The following SDF4 variants were observed in gnomAD, a reference collection of about 807,000 sequenced individuals.
SDF4 encodes 45 kDa calcium-binding protein.
SDF4 carries 22 observed loss-of-function variants against 34.2 expected under a neutral mutation model. The ratio of observed to expected loss-of-function variants is 0.64; its 90% CI spans 0.46 to 0.92. SDF4 has a LOEUF of 0.92. Ranked by LOEUF, SDF4 falls within the 40% of genes least tolerant of loss-of-function variation. The pLI is 0.00. For missense variants in SDF4, 447 were observed against 499.9 expected (o/e 0.89, Z 1.01); for synonymous variants, 236 against 203.1 (o/e 1.16, Z -1.38).
At position 1,223,812 on chromosome 1, in the gene SDF4, C is replaced by T. The variant is rs1650124200; in HGVS notation, c.442+20G>A. ...CCCGCCCCGCCCACCGCCCCACCCACCCCGGCCCAGCCACAGTACCGTCCC... is the reference window on the plus strand; with the variant it reads ...CCCGCCCCGCCCACCGCCCCACCCATCCCGGCCCAGCCACAGTACCGTCCC... On this transcript the variant is annotated intron_variant, in intron 3 of 6. Coordinates refer to ENST00000360001, the MANE Select transcript of SDF4 (RefSeq NM_016176.6). The T allele has an allele frequency of 7.9e-7, 1 of 1,266,254 alleles. No individual in the cohort carries two copies. Among genetic ancestry groups the T allele is most frequent in the Non-Finnish European group, 1.1e-6 (1 of 899,604 alleles). 78.4% of individuals were successfully genotyped at this position (1,266,254 alleles called of 1,614,324 possible). A position where few individuals can be genotyped will look rare whatever the true frequency, so the allele number is the denominator to read the frequency against.
At chr1:1,220,541 G>GTA in intron 4 of SDF4, 1 of 1,239,194 alleles carries the variant, frequency 8.1e-7, no homozygotes, top group Admixed American at 2.6e-5. Flanking sequence ...AGAGGTCGGG[G>GTA]GGTCCTAGGC....
intron 2 of SDF4, among the ~76,000 whole-genome samples, chr1:1,225,935 G>A (rs761230455): frequency 8.5e-5 from 13 of 152,344 alleles, no homozygotes; most frequent in Non-Finnish European, 1.8e-4. Flanking sequence ...GGCGGTGCAC[G>A]TACATGGAGC....
Position 1,217,546 on chromosome 1 carries a change from A to G in SDF4, c.1034T>C (p.Val345Ala). ...CTCGTGCACGCTGCGCGCGTAGTCC[A>G]CCAGCTTGCTGCCCGTGAAGAACTC... ...YSEFFTGSKL[V>A]DYARSVHEEF Residue 345 changes from valine to alanine, a missense_variant, in exon 7 of 7, where the codon GTG becomes GCG. Physicochemically the swap from Val to Ala is moderately conservative, Grantham distance 64. Transcript: ENST00000360001. This position sits in a 1 kb window ranked among gnomAD's most constrained non-coding sequence, Gnocchi z 8.5. The G allele has an allele frequency of 6.2e-7, 1 of 1,612,782 alleles. No homozygotes were observed. Among genetic ancestry groups the G allele is most frequent in the Non-Finnish European group, 8.5e-7 (1 of 1,179,668 alleles).
chr1:1,231,146 A>C (rs927875142), intron 1 of SDF4, among the ~76,000 whole-genome samples: 3 of 152,262 alleles, frequency 2.0e-5, no homozygotes, highest in Admixed American at 6.5e-5. Flanking sequence ...TCAGGAGTCC[A>C]TCAAGTGGCG....
intron 4 of SDF4, among the ~76,000 whole-genome samples, chr1:1,221,860 G>A (rs1411161189): frequency 1.3e-5 from 2 of 152,142 alleles, no homozygotes; most frequent in Non-Finnish European, 2.9e-5. Flanking sequence ...TGAGGTAGGA[G>A]GATCGCCTGA....
chr1:1,225,381 G>A (rs914092165), intron 2 of SDF4, among the ~76,000 whole-genome samples: 4 of 152,216 alleles, frequency 2.6e-5, no homozygotes, highest in African/African-American at 7.2e-5. Flanking sequence ...GCAGGCCCTC[G>A]TCAGGCAGGT....
Position 1,217,757 on chromosome 1 carries a change from G to A in SDF4, c.892-69C>T, listed in dbSNP as rs150101622. On this transcript the variant is annotated intron_variant, in intron 6 of 6. Coordinates refer to ENST00000360001, the MANE Select transcript of SDF4 (RefSeq NM_016176.6). This position sits in a 1 kb window ranked among gnomAD's most constrained non-coding sequence, Gnocchi z 8.5. ...CGAGCTCCGCGGCCAGCCGCACGAAGTGGCTATTTAAGGTGCCTATTGGCT... is the reference window on the plus strand; with the variant it reads ...CGAGCTCCGCGGCCAGCCGCACGAAATGGCTATTTAAGGTGCCTATTGGCT... 116 of 1,607,032 alleles carry A rather than the reference G, an allele frequency of 7.2e-5. No individual in the cohort carries two copies. In the African/African-American group the frequency reaches 1.2e-3, roughly 17 times the overall value.
In SDF4 at chr1:1,228,507, G is replaced by A. The variant is rs756705556; in HGVS notation, c.266C>T (p.Pro89Leu). 42 of 1,609,922 alleles carry A rather than the reference G, an allele frequency of 2.6e-5. No homozygotes were observed. The highest frequency in any genetic ancestry group is 5.0e-5 in the Admixed American group (3 of 59,904). ...CATCAGCTTCCTCCGGCTCCGCCGC[G>A]GCTCCGCGTCCTCATCAAAGCCACC... The part of the protein sequence containing the change: ...DLGGFDEDAE[P>L]RRSRRKLMVI... The change falls in exon 2 of 7, where the codon CCG (proline) becomes CTG (leucine). Residue 89 changes from proline to leucine, a missense_variant. Transcript: ENST00000360001.
At chr1:1,223,790 G>GCCCCC in intron 3 of SDF4, 42 bp downstream of exon 3, 6 of 190,882 alleles carry the variant, frequency 3.1e-5, no homozygotes, top group East Asian at 2.5e-4. Flanking sequence ...GGCCCTGCCC[G>GCCCCC]CCCCGCCCAC....
rs777252723 is a variant in SDF4 at position 1,218,982 on chromosome 1, C to A, written c.557-55G>T. ...GGCCGACAGACGCCAGCACGCAAAT[C>A]CAGAAAGTTCCGAGAGGTGCTGCCT... On this transcript the variant is annotated intron_variant, in intron 4 of 6. Transcript: ENST00000360001. This position sits in a 1 kb window ranked among gnomAD's most constrained non-coding sequence, Gnocchi z 7.9. 7 of 1,612,344 alleles carry A rather than the reference C, an allele frequency of 4.3e-6. No individual in the cohort carries two copies. In the African/African-American group the frequency reaches 8.0e-5, roughly 18 times the overall value.
intron 2 of SDF4, among the ~76,000 whole-genome samples, chr1:1,226,193 G>A (rs1242390781): frequency 6.6e-6 from 1 of 152,222 alleles, no homozygotes; most frequent in Non-Finnish European, 1.5e-5. Context: ...ACGGAGGCGA[G>A]CCCAGAGCAT....
In SDF4 at chr1:1,228,886, G is replaced by T; in HGVS notation, c.-114C>A. ...GTCCTGGCTCCAATCCAATCCCCGG[G>T]CACCACGGAGGGCTCTGTGTCCCCA... is the stretch of plus-strand genomic sequence containing the variant. On this transcript the variant is annotated 5_prime_UTR_variant, in exon 2 of 7. Transcript: ENST00000360001. The T allele has an allele frequency of 1.0e-6, 1 of 977,612 alleles. No homozygotes were observed. The highest frequency in any genetic ancestry group is 1.5e-6 in the Non-Finnish European group (1 of 670,168). The allele number at this position is 977,612 out of a possible 1,614,324, so 60.6% of individuals were successfully genotyped here.
intron 4 of SDF4, among the ~76,000 whole-genome samples, chr1:1,222,071 C>T (rs1386486213): frequency 6.6e-6 from 1 of 152,244 alleles, no homozygotes; most frequent in Non-Finnish European, 1.5e-5. Context: ...GGAGCAGCCC[C>T]GTATCACGTG....
chr1:1,218,845 C>T lies in SDF4; in HGVS notation c.639G>A (p.Glu213=), dbSNP rs1182764957. Reference sequence around the variant, plus strand: ...GCTCGGGGTGGAGGAACGACAGGAACTCCTCCTCCGTCAGCAGCAGGTCTG... The same window carrying T: ...GCTCGGGGTGGAGGAACGACAGGAATTCCTCCTCCGTCAGCAGCAGGTCTG... The part of the protein sequence containing the change: ...PPADLLLTEE[E]FLSFLHPEHS... Residue 213 remains glutamate, a synonymous_variant, in exon 5 of 7, where the codon GAG becomes GAA. Transcript: ENST00000360001. This position sits in a 1 kb window ranked among gnomAD's most constrained non-coding sequence, Gnocchi z 7.9. 3 of 1,600,106 alleles carry T rather than the reference C, an allele frequency of 1.9e-6. No homozygotes were observed. Among genetic ancestry groups the T allele is most frequent in the Non-Finnish European group, 2.6e-6 (3 of 1,170,440 alleles).
In SDF4 at chr1:1,217,953, T is replaced by G; in HGVS notation, c.892-265A>C. 2 of 879,648 alleles carry G rather than the reference T, an allele frequency of 2.3e-6. No individual in the cohort carries two copies. The highest frequency in any genetic ancestry group is 1.6e-6 in the Non-Finnish European group (1 of 609,334). 54.5% of individuals were successfully genotyped at this position (879,648 alleles called of 1,614,324 possible). A position where few individuals can be genotyped will look rare whatever the true frequency, so the allele number is the denominator to read the frequency against. On this transcript the variant is annotated intron_variant, in intron 6 of 6. Coordinates refer to ENST00000360001, the MANE Select transcript of SDF4 (RefSeq NM_016176.6). The surrounding 1 kb of genome is among the most constrained non-coding windows in gnomAD (Gnocchi z 8.5). Reference sequence around the variant, plus strand: ...CCCCAGTTCTGAAGGATCCCTAACCTGGGCCGGGCCCACTGGCTGTCGCCA... The same window carrying G: ...CCCCAGTTCTGAAGGATCCCTAACCGGGGCCGGGCCCACTGGCTGTCGCCA...
At chr1:1,223,425 G>T in intron 3 of SDF4, 68 bp from the exon 4 acceptor site, 1 of 1,178,596 alleles carries the variant, frequency 8.5e-7, no homozygotes, top group South Asian at 1.4e-5. Flanking sequence ...AACTGAGATG[G>T]GGTCTTGCTC....
At chr1:1,226,085 G>C (rs910323895) in intron 2 of SDF4, among the ~76,000 whole-genome samples, 1 of 152,258 alleles carries the variant, frequency 6.6e-6, no homozygotes. Context: ...GAGAGAACAA[G>C]GGCAAGACGC....
At chr1:1,222,143 G>A (rs541577428) in intron 4 of SDF4, among the ~76,000 whole-genome samples, 10 of 152,344 alleles carry the variant, frequency 6.6e-5, no homozygotes, top group South Asian at 4.1e-4. Flanking sequence ...CCAGGATGCC[G>A]GGCAGCGACG....
intron 4 of SDF4, chr1:1,220,913 C>T (rs780543911): frequency 4.6e-5 from 20 of 435,212 alleles, no homozygotes; most frequent in Non-Finnish European, 8.0e-5. Context: ...AGGCACGAAC[C>T]GTGTGTGGGG....
Sources: allele counts gnomAD v4.1 joint callset (sites outside exome capture counted in the v4.1 genomes callset), GRCh38; gene constraint gnomAD v4.1.1; non-coding constraint Gnocchi (gnomAD v3.1); transcripts MANE v1.5; gene names NCBI Gene and HGNC (gene_info 2026-07-23, HGNC 2026-07-21).